MYB: variants seen among roughly 807,000 people sequenced by gnomAD.
The protein encoded by MYB is MYB proto-oncogene, transcription factor.
MYB carries 28 observed loss-of-function variants against 92.9 expected under a neutral mutation model. The observed-to-expected ratio is 0.30, with a 90% CI of 0.22 to 0.41. MYB has a LOEUF of 0.41. Among genes scored for constraint, MYB ranks in the 10% least tolerant of loss-of-function variants. MYB has a pLI of 1.00. For synonymous variants in MYB, 295 were observed against 329.1 expected (o/e 0.90, Z 1.12); for missense variants, 679 against 929.3 (o/e 0.73, Z 3.50).
At chr6:135,205,859 C>T (rs1562390539) in intron 15 of MYB, among the ~76,000 whole-genome samples, 1 of 152,050 alleles carries the variant, frequency 6.6e-6, no homozygotes, top group Non-Finnish European at 1.5e-5. Context: ...AGCTTGAGAC[C>T]AGGAATTTGA....
At chr6:135,199,582 G>A in intron 11 of MYB, 1 of 1,044,836 alleles carries the variant, frequency 9.6e-7, no homozygotes, top group Non-Finnish European at 1.2e-6. Flanking sequence ...CAAGGGATGA[G>A]TAAGCAGTCA....
chr6:135,188,541 G>C (rs1776237132), intron 3 of MYB, among the ~76,000 whole-genome samples: 1 of 142,492 alleles, frequency 7.0e-6, no homozygotes, highest in Non-Finnish European at 1.5e-5. Flanking sequence ...ATGGAATCTA[G>C]CTTTGTTGCC....
At chr6:135,189,646 G>C in intron 3 of MYB, 145 bp from the exon 4 acceptor site, 2 of 623,272 alleles carry the variant, frequency 3.2e-6, no homozygotes, top group South Asian at 2.1e-5. Context: ...TGTAAGTAAT[G>C]AGGGATAGAT....
chr6:135,209,600 TA>T (rs1442923866), intron 15 of MYB, among the ~76,000 whole-genome samples: 2 of 152,114 alleles, frequency 1.3e-5, no homozygotes, highest in African/African-American at 4.8e-5. Flanking sequence ...CTACAGTGCT[TA>T]AATAGAGGCT....
At position 135,197,264 on chromosome 6, in the gene MYB, G is replaced by A. The variant is rs547508696; in HGVS notation, c.1507G>A (p.Val503Ile). Reference sequence around the variant, plus strand: ...CTGTAGCTCCTTCATATTTGCTGACGTCAGCAGTTCAACTCCCAAGCGTTC... The same window carrying A: ...CTGTAGCTCCTTCATATTTGCTGACATCAGCAGTTCAACTCCCAAGCGTTC... ...GDCSSFIFAD[V>I]SSSTPKRSPV... Residue 503 changes from valine to isoleucine, a missense_variant, in exon 10 of 16, where the codon GTC (valine) becomes ATC (isoleucine). Physicochemically the swap from Val to Ile is conservative, Grantham distance 29 (BLOSUM62 3). Around this residue, in one of 8 missense-constraint regions of MYB, gnomAD observed 402 missense variants for 434.2 expected, o/e 0.93. Coordinates refer to ENST00000341911, the MANE Select transcript of MYB (RefSeq NM_001130173.2). 1.4e-5 allele frequency: 23 copies of A among 1,613,864 alleles called. No individual in the cohort carries two copies. Among genetic ancestry groups the A allele is most frequent in the East Asian group, 4.5e-5 (2 of 44,888 alleles).
intron 15 of MYB, among the ~76,000 whole-genome samples, chr6:135,206,218 A>AT (rs1473061378): frequency 1.0e-4 from 15 of 144,590 alleles, no homozygotes; most frequent in Non-Finnish European, 1.7e-4. Flanking sequence ...AAAAAAAAAA[A>AT]AAAAAAAAAT....
intron 11 of MYB, chr6:135,199,574 A>G: frequency 1.9e-6 from 2 of 1,053,562 alleles, no homozygotes; most frequent in South Asian, 5.8e-5. Context: ...TTAGAAGCCA[A>G]GGGATGAGTA....
chr6:135,185,864 C>T (rs776204090), intron 1 of MYB, 39 bp from the exon 2 acceptor site: 1 of 1,513,972 alleles, frequency 6.6e-7, no homozygotes, highest in Non-Finnish European at 9.2e-7. Flanking sequence ...TCTAAATCCT[C>T]TTGTTTCAGC....
chr6:135,202,096 T>G (rs191271425), intron 14 of MYB, among the ~76,000 whole-genome samples: 3 of 152,222 alleles, frequency 2.0e-5, no homozygotes, highest in African/African-American at 7.2e-5. Context: ...AAGTTGTCTC[T>G]TGTTTGGTTT....
intron 2 of MYB, 146 bp from the exon 3 acceptor site, chr6:135,187,688 C>T (rs113771609): frequency 4.6e-6 from 2 of 437,996 alleles, no homozygotes; most frequent in African/African-American, 4.0e-5. Flanking sequence ...TCTATACTCC[C>T]AAGTCCGTAT....
chr6:135,203,206 C>T lies in MYB; in HGVS notation c.2062-11C>T. The T allele has an allele frequency of 6.4e-7, 1 of 1,556,228 alleles. No individual in the cohort carries two copies. Among genetic ancestry groups the T allele is most frequent in the Middle Eastern group, 1.7e-4 (1 of 5,936 alleles). On this transcript the variant is annotated splice_polypyrimidine_tract_variant and intron_variant, in intron 14 of 15. Coordinates refer to ENST00000341911, the MANE Select transcript of MYB (RefSeq NM_001130173.2). ...CCTCATTTAAATTTCAAATTATTCTCTTCCCTTTAGAATATTCTTACAAGC... is the reference window on the plus strand; with the variant it reads ...CCTCATTTAAATTTCAAATTATTCTTTTCCCTTTAGAATATTCTTACAAGC...
intron 8 of MYB, chr6:135,194,964 G>C: frequency 7.5e-7 from 1 of 1,335,674 alleles, no homozygotes; most frequent in Non-Finnish European, 9.9e-7. Context: ...TGAAAGTTAT[G>C]TGGGCCATTA....
chr6:135,183,833 G>GGCAT (rs1775518556), intron 1 of MYB, among the ~76,000 whole-genome samples: 1 of 152,208 alleles, frequency 6.6e-6, no homozygotes, highest in Non-Finnish European at 1.5e-5. Flanking sequence ...GGAAGGACAT[G>GGCAT]GCATGGTCAT....
intron 14 of MYB, chr6:135,202,822 TGCCAATAA>T: frequency 1.2e-5 from 5 of 421,574 alleles, no homozygotes; most frequent in Admixed American, 2.8e-5. Flanking sequence ...CACCATTTTT[TGCCAATAA>T]TTTATAGCTC....
intron 8 of MYB, 114 bp from the exon 9 acceptor site, chr6:135,195,634 A>T: frequency 8.2e-7 from 1 of 1,213,508 alleles, no homozygotes; most frequent in Non-Finnish European, 1.2e-6. Flanking sequence ...GGATGATGCA[A>T]CTACTCTTAT....
intron 14 of MYB, 33 bp downstream of exon 14, chr6:135,201,782 A>G: frequency 7.6e-7 from 1 of 1,309,340 alleles, no homozygotes; most frequent in Non-Finnish European, 1.0e-6. Flanking sequence ...CCAAGTTGTT[A>G]TGTGACACTG....
intron 15 of MYB, among the ~76,000 whole-genome samples, chr6:135,208,659 G>A (rs1249819850): frequency 6.6e-6 from 1 of 151,948 alleles, no homozygotes; most frequent in African/African-American, 2.4e-5. Flanking sequence ...GGGATTACAG[G>A]CAGGAGCCAC....
At chr6:135,195,174 G>A (rs1340792631) in intron 8 of MYB, 2 of 1,013,864 alleles carry the variant, frequency 2.0e-6, no homozygotes, top group East Asian at 1.2e-4. Flanking sequence ...TTTAGTTAAT[G>A]TTTTGCAATT....
Position 135,218,760 on chromosome 6 carries a change from T to C in MYB, c.*780T>C, listed in dbSNP as rs1780741674. ...ACTAGTATTTCAGACTTTTTAATTT[T>C]ATATATATATACATTTTTTTTCCTT... On this transcript the variant is annotated 3_prime_UTR_variant, in exon 16 of 16. Coordinates refer to ENST00000341911, the MANE Select transcript of MYB (RefSeq NM_001130173.2). The C allele has an allele frequency of 5.0e-6, 1 of 200,452 alleles. No individual in the cohort carries two copies. The highest frequency in any genetic ancestry group is 6.0e-5 in the Admixed American group (1 of 16,564). The allele number at this position is 200,452 out of a possible 1,614,324, so 12.4% of individuals were successfully genotyped here. A position where few individuals can be genotyped will look rare whatever the true frequency, so the allele number is the denominator to read the frequency against.
Sources: allele counts gnomAD v4.1 joint callset (sites outside exome capture counted in the v4.1 genomes callset), GRCh38; gene constraint gnomAD v4.1.1; regional missense constraint gnomAD v4.1.1; transcripts MANE v1.5; gene names NCBI Gene and HGNC (gene_info 2026-07-23, HGNC 2026-07-21).